Variants in PPM1B observed in about 807,000 individuals in gnomAD.
The protein encoded by PPM1B is protein phosphatase 1B.
In PPM1B, 22 loss-of-function variants were observed where a neutral mutation model predicts 43.0. That is an observed-to-expected ratio of 0.51 (90% CI 0.37 to 0.73). The LOEUF is 0.73. Among genes scored for constraint, PPM1B ranks in the 30% least tolerant of loss-of-function variants. The pLI, the probability that PPM1B is intolerant of heterozygous loss-of-function variation, is 0.00. For synonymous variants in PPM1B, 217 were observed against 197.9 expected (o/e 1.10, Z -0.81); for missense variants, 632 against 584.2 (o/e 1.08, Z -0.84).
intron 1 of PPM1B, among the ~76,000 whole-genome samples, chr2:44,200,298 G>A (rs1668874452): frequency 6.6e-6 from 1 of 152,118 alleles, no homozygotes; most frequent in African/African-American, 2.4e-5. Flanking sequence ...GAATTCTTTT[G>A]CATACTTTTG....
chr2:44,225,815 C>A (rs960844088), intron 5 of PPM1B, among the ~76,000 whole-genome samples: 1 of 151,982 alleles, frequency 6.6e-6, no homozygotes, highest in Non-Finnish European at 1.5e-5. Context: ...CACCACCACG[C>A]CTGGCTAATT....
intron 1 of PPM1B, among the ~76,000 whole-genome samples, chr2:44,177,632 C>T (rs1454468208): frequency 1.3e-5 from 2 of 151,862 alleles, no homozygotes; most frequent in Non-Finnish European, 2.9e-5. Context: ...GTTGGCCAGG[C>T]TGGTCTCGAA....
At chr2:44,177,418 C>CCT (rs376045188) in intron 1 of PPM1B, among the ~76,000 whole-genome samples, 1 of 122,564 alleles carries the variant, frequency 8.2e-6, no homozygotes, top group South Asian at 2.7e-4. Context: ...GTGAAATAAC[C>CCT]TTTTTTTTTT....
chr2:44,220,673 A>G (rs764380579), intron 5 of PPM1B, among the ~76,000 whole-genome samples: 7 of 152,216 alleles, frequency 4.6e-5, no homozygotes, highest in Non-Finnish European at 1.0e-4. Flanking sequence ...TTATAAACAC[A>G]CCTTAAATGA....
At chr2:44,186,227 T>G (rs1668110432) in intron 1 of PPM1B, among the ~76,000 whole-genome samples, 1 of 152,244 alleles carries the variant, frequency 6.6e-6, no homozygotes. Flanking sequence ...AAGCCATTAA[T>G]CTACACATTG....
chr2:44,238,255 C>A (rs1033272851), downstream of PPM1B, among the ~76,000 whole-genome samples: 2 of 151,854 alleles, frequency 1.3e-5, no homozygotes, highest in South Asian at 2.1e-4. Flanking sequence ...ATATAGAGTA[C>A]CATGGGGTTT....
rs923435179 is a variant in PPM1B at position 44,201,026 on chromosome 2, T to C, written c.-14-160T>C. 6.6e-5 allele frequency among the ~76,000 whole-genome samples: 10 copies of C among 152,116 alleles called. No homozygotes were observed. Among genetic ancestry groups the C allele is most frequent in the African/African-American group, 2.4e-4 (10 of 41,424 alleles). ...GCTGAGAAACCACTGTTCTGTAGGA[T>C]GTAGGGGAGGAAATTTCTTGGGCTT... On this transcript the variant is annotated intron_variant, in intron 1 of 5. Coordinates refer to ENST00000282412, the MANE Select transcript of PPM1B (RefSeq NM_002706.6). The surrounding 1 kb of genome is among the most constrained non-coding windows in gnomAD (Gnocchi z 5.4).
At chr2:44,188,529 T>G (rs1172972470) in intron 1 of PPM1B, among the ~76,000 whole-genome samples, 1 of 151,858 alleles carries the variant, frequency 6.6e-6, no homozygotes, top group South Asian at 2.1e-4. Context: ...CTGAATTGGC[T>G]GGGATCACAG....
chr2:44,192,896 T>A (rs1362697117), intron 1 of PPM1B, among the ~76,000 whole-genome samples: 1 of 152,228 alleles, frequency 6.6e-6, no homozygotes, highest in African/African-American at 2.4e-5. Context: ...ATGACAGAAT[T>A]TCCTTCTTTT....
chr2:44,204,683 C>A lies in PPM1B; in HGVS notation c.846+2638C>A, dbSNP rs1572719298. Among the ~76,000 whole-genome samples, 3 of 151,560 alleles carry A rather than the reference C, an allele frequency of 2.0e-5. No homozygotes were observed. The South Asian group carries it at 6.2e-4, about 32-fold the overall frequency. On this transcript the variant is annotated intron_variant, in intron 2 of 5. Coordinates refer to ENST00000282412, the MANE Select transcript of PPM1B (RefSeq NM_002706.6). ...ACCATCCTGGCTAACGCAGTGAAAC[C>A]CCGTCTCTATTAAAAAATAGAAAAA...
intron 2 of PPM1B, among the ~76,000 whole-genome samples, chr2:44,202,587 G>T (rs1012576834): frequency 2.1e-5 from 3 of 144,934 alleles, no homozygotes; most frequent in Non-Finnish European, 4.5e-5. Flanking sequence ...ATCTAAAAAG[G>T]ATTTACATGT....
chr2:44,240,993 CATCTTTATTTTT>C lies in PPM1B; in HGVS notation n.1547-3232_1547-3221del, dbSNP rs1012348259. On this transcript the variant is annotated intron_variant and non_coding_transcript_variant, in intron 5 of 5. Coordinates refer to the PPM1B transcript ENST00000378540. ...TTTTAATTTCTTTGAAATTGGGAAG[CATCTTTATTTTT>C]ATTTTTTTTTTTTTTGAGACGGAGT... 5.1e-4 allele frequency among the ~76,000 whole-genome samples: 69 copies of C among 135,518 alleles called. 5 individuals are homozygous for C. The East Asian group carries it at 0.012, about 24-fold the overall frequency. The allele number at this position is 135,518 out of a possible 152,430, so 88.9% of individuals were successfully genotyped here.
rs565059827 is a variant in PPM1B at position 44,202,824 on chromosome 2, A to G, written c.846+779A>G. 2.0e-4 allele frequency among the ~76,000 whole-genome samples: 31 copies of G among 152,318 alleles called. No homozygotes were observed. The South Asian group carries it at 4.8e-3, about 23-fold the overall frequency. On this transcript the variant is annotated intron_variant, in intron 2 of 5. Transcript: ENST00000282412. ...AGTCCAGAGTAATAGATAATTGGCA[A>G]TCCTTTGAATATCTTTAAAATACTC...
intron 1 of PPM1B, among the ~76,000 whole-genome samples, chr2:44,191,547 G>A (rs541536991): frequency 6.6e-6 from 1 of 152,206 alleles, no homozygotes; most frequent in African/African-American, 2.4e-5. Context: ...TTGCATAATG[G>A]CATCACACTG....
At chr2:44,206,762 G>C (rs1669211035) in intron 2 of PPM1B, among the ~76,000 whole-genome samples, 1 of 152,054 alleles carries the variant, frequency 6.6e-6, no homozygotes, top group South Asian at 2.1e-4. Flanking sequence ...GTGTCTCACT[G>C]TGTTGCCCGG....
chr2:44,223,151 A>G (rs760405633), intron 5 of PPM1B, among the ~76,000 whole-genome samples: 8 of 152,164 alleles, frequency 5.3e-5, no homozygotes, highest in Non-Finnish European at 8.8e-5. Flanking sequence ...TCTGTTTTTA[A>G]TGGTAAATAT....
chr2:44,184,476 A>G (rs992290499), intron 1 of PPM1B, among the ~76,000 whole-genome samples: 1 of 152,018 alleles, frequency 6.6e-6, no homozygotes, highest in Admixed American at 6.6e-5. Context: ...TTTTTAAATT[A>G]TATTTACTCT....
chr2:44,188,219 A>G (rs144240086), intron 1 of PPM1B, among the ~76,000 whole-genome samples: 124 of 152,208 alleles, frequency 8.1e-4, no homozygotes, highest in African/African-American at 2.7e-3. Flanking sequence ...TTTTTGTACT[A>G]TGTTCCATTT....
intron 5 of PPM1B, among the ~76,000 whole-genome samples, chr2:44,221,921 A>G (rs1273039148): frequency 2.6e-5 from 4 of 152,072 alleles, no homozygotes; most frequent in African/African-American, 9.7e-5. Context: ...TCCATACTAA[A>G]CTAACTTTTT....
Sources: gnomAD v4.1 joint callset for allele counts (sites outside exome capture counted in the v4.1 genomes callset) on GRCh38, gnomAD v4.1.1 for gene constraint, Gnocchi (gnomAD v3.1) non-coding constraint, MANE v1.5 for transcripts, NCBI Gene and HGNC (gene_info 2026-07-23, HGNC 2026-07-21) for gene names.